The following TOP1 variants were observed in gnomAD, a reference collection of about 807,000 sequenced individuals.
TOP1 encodes DNA topoisomerase I.
TOP1 carries 10 observed loss-of-function variants against 111.1 expected under a neutral mutation model. That is an observed-to-expected ratio of 0.09 (90% CI 0.06 to 0.15). The LOEUF is 0.15. Ranked by LOEUF, TOP1 falls within the 10% of genes least tolerant of loss-of-function variation. The pLI is 1.00. For synonymous variants in TOP1, 271 were observed against 302.9 expected (o/e 0.89, Z 1.10); for missense variants, 474 against 926.7 (o/e 0.51, Z 6.34).
intron 2 of TOP1, among the ~76,000 whole-genome samples, chr20:41,059,841 T>G (rs533943049): frequency 3.6e-4 from 55 of 152,278 alleles, no homozygotes; most frequent in Non-Finnish European, 7.1e-4. Context: ...CTCTTACAAC[T>G]AGGTAGTAAG....
At chr20:41,088,498 G>A (rs1389489150) in intron 8 of TOP1, among the ~76,000 whole-genome samples, 2 of 152,122 alleles carry the variant, frequency 1.3e-5, no homozygotes, top group African/African-American at 4.8e-5. Context: ...GCGAGACTCT[G>A]TCTCAAAAAA....
rs2034217905 is a variant in TOP1 at position 41,110,472 on chromosome 20, C to T, written c.1309-2310C>T. Among the ~76,000 whole-genome samples the T allele has an allele frequency of 6.6e-6, 1 of 152,096 alleles. No individual in the cohort carries two copies. Among genetic ancestry groups the T allele is most frequent in the Admixed American group, 6.6e-5 (1 of 15,266 alleles). On this transcript the variant is annotated intron_variant, in intron 13 of 20. Transcript: ENST00000361337. This position sits in a 1 kb window ranked among gnomAD's most constrained non-coding sequence, Gnocchi z 4.2. Reference sequence around the variant, plus strand: ...AGAATACTGGCAAATGTCCTCTTCCCCATTACAAACGTCTGAGAAAGTTAC... The same window carrying T: ...AGAATACTGGCAAATGTCCTCTTCCTCATTACAAACGTCTGAGAAAGTTAC...
At chr20:41,090,296 C>A (rs570475406) in intron 8 of TOP1, among the ~76,000 whole-genome samples, 20 of 151,916 alleles carry the variant, frequency 1.3e-4, no homozygotes, top group Non-Finnish European at 2.8e-4. Flanking sequence ...TTAATTTTAT[C>A]TTTTTTTTCC....
chr20:41,089,495 G>C (rs2033892487), intron 8 of TOP1, among the ~76,000 whole-genome samples: 1 of 152,154 alleles, frequency 6.6e-6, no homozygotes, highest in Non-Finnish European at 1.5e-5. Context: ...AGAATTTTCT[G>C]ACTTTTAAAG....
chr20:41,041,309 G>A (rs1011569707), intron 2 of TOP1, among the ~76,000 whole-genome samples: 1 of 151,968 alleles, frequency 6.6e-6, no homozygotes, highest in Non-Finnish European at 1.5e-5. Context: ...AATTAGCCAA[G>A]CATGGTGGTG....
At chr20:41,096,283 A>T (rs2033981574) in intron 9 of TOP1, among the ~76,000 whole-genome samples, 1 of 152,126 alleles carries the variant, frequency 6.6e-6, no homozygotes, top group Non-Finnish European at 1.5e-5. Flanking sequence ...GGCCAGGCTG[A>T]TCTGGAACTC....
In TOP1 at chr20:41,034,522, T is replaced by C. The variant is rs2033160809; in HGVS notation, c.58+5067T>C. On this transcript the variant is annotated intron_variant, in intron 2 of 20. Transcript: ENST00000361337. This position sits in a 1 kb window ranked among gnomAD's most constrained non-coding sequence, Gnocchi z 4.0. ...GTAAATGAGGGCAGGGTGGACAAAG[T>C]TTGATTGGGGGTTGCGGGGAAGCTT... 6.6e-6 allele frequency among the ~76,000 whole-genome samples: 1 copy of C among 152,028 alleles called. No individual in the cohort carries two copies. The highest frequency in any genetic ancestry group is 2.1e-4 in the South Asian group (1 of 4,812).
chr20:41,062,271 G>C (rs548261593), intron 3 of TOP1, among the ~76,000 whole-genome samples: 58 of 152,294 alleles, frequency 3.8e-4, no homozygotes, highest in Non-Finnish European at 7.2e-4. Flanking sequence ...TCACACATTA[G>C]AACAAGTGTC....
chr20:41,042,114 T>A (rs1414677106), intron 2 of TOP1, among the ~76,000 whole-genome samples: 1 of 152,194 alleles, frequency 6.6e-6, no homozygotes, highest in Admixed American at 6.5e-5. Context: ...TTTGCCATGT[T>A]GGCCACGATG....
rs2034260053 is a variant in TOP1, at chr20:41,112,590, A to G, written c.1309-192A>G. On this transcript the variant is annotated intron_variant, in intron 13 of 20. Coordinates refer to ENST00000361337, the MANE Select transcript of TOP1 (RefSeq NM_003286.4). This position sits in a 1 kb window ranked among gnomAD's most constrained non-coding sequence, Gnocchi z 5.8. ...TGTTCAAAGTCTTGCTTTGTCACCCATGGTGGAGTGCAGTGGCGTGATCTT... is the reference window on the plus strand; with the variant it reads ...TGTTCAAAGTCTTGCTTTGTCACCCGTGGTGGAGTGCAGTGGCGTGATCTT... 6.6e-6 allele frequency among the ~76,000 whole-genome samples: 1 copy of G among 152,204 alleles called. No homozygotes were observed. Among genetic ancestry groups the G allele is most frequent in the African/African-American group, 2.4e-5 (1 of 41,452 alleles).
At position 41,030,179 on chromosome 20, in the gene TOP1, T is replaced by C. The variant is rs79866880; in HGVS notation, c.58+724T>C. On this transcript the variant is annotated intron_variant, in intron 2 of 20. Transcript: ENST00000361337. This position sits in a 1 kb window ranked among gnomAD's most constrained non-coding sequence, Gnocchi z 4.1. ...CTCCCTAAAGAAAGTTTGCAAGTTC[T>C]CTGTGGGTCACCCAATGTAAATGTT... Among the ~76,000 whole-genome samples the C allele has an allele frequency of 0.026, 4,033 of 152,328 alleles. 66 individuals are homozygous for C. The highest frequency in any genetic ancestry group is 0.048 in the Middle Eastern group (14 of 294).
At chr20:41,066,557 C>CTTTTTTT (rs776922601) in intron 3 of TOP1, among the ~76,000 whole-genome samples, 15 of 129,388 alleles carry the variant, frequency 1.2e-4, no homozygotes, top group East Asian at 2.3e-4. Flanking sequence ...CTTTTCTTTT[C>CTTTTTTT]TTTTTTTTTT....
Position 41,086,262 on chromosome 20 carries a change from C to CA in TOP1, c.614+1708dup, listed in dbSNP as rs561307231. Among the ~76,000 whole-genome samples, 619 of 93,358 alleles carry CA rather than the reference C, an allele frequency of 6.6e-3. 1 individual carries two copies. Among genetic ancestry groups the CA allele is most frequent in the Middle Eastern group, 0.015 (2 of 130 alleles). The allele number at this position is 93,358 out of a possible 152,430, so 61.2% of individuals were successfully genotyped here. On this transcript the variant is annotated intron_variant, in intron 8 of 20. Transcript: ENST00000361337. ...TGGGCGACAGAGCGAGACTCTGTCT[C>CA]AAAAAAAAAAAAAAGAAAAAAAACC...
At chr20:41,117,948 A>C (rs1488102804) in intron 17 of TOP1, among the ~76,000 whole-genome samples, 1 of 152,174 alleles carries the variant, frequency 6.6e-6, no homozygotes, top group Non-Finnish European at 1.5e-5. Flanking sequence ...TGTGATAGGA[A>C]TTTACCCAGG....
At chr20:41,043,476 T>C (rs2033293096) in intron 2 of TOP1, among the ~76,000 whole-genome samples, 1 of 152,232 alleles carries the variant, frequency 6.6e-6, no homozygotes, top group Admixed American at 6.5e-5. Flanking sequence ...TTCTACTGAA[T>C]ATATGCCACT....
intron 3 of TOP1, among the ~76,000 whole-genome samples, chr20:41,073,717 A>G (rs1424794040): frequency 6.6e-6 from 1 of 152,226 alleles, no homozygotes; most frequent in Non-Finnish European, 1.5e-5. Flanking sequence ...TTGTATCAGC[A>G]TGAGGGGATA....
rs900852923 is a variant in TOP1 at position 41,078,621 on chromosome 20, C to A, written c.335+984C>A. 6.6e-6 allele frequency among the ~76,000 whole-genome samples: 1 copy of A among 152,202 alleles called. No homozygotes were observed. The stretch of plus-strand genomic sequence containing the variant: ...CAAGCTGCCCTAGGAATTTTGATTT[C>A]TGAGATAAAGTGACTGAGGAGGCAC... On this transcript the variant is annotated intron_variant, in intron 5 of 20. Coordinates refer to ENST00000361337, the MANE Select transcript of TOP1 (RefSeq NM_003286.4). The surrounding 1 kb of genome is among the most constrained non-coding windows in gnomAD (Gnocchi z 5.3).
chr20:41,055,271 T>G (rs1184203303), intron 2 of TOP1, among the ~76,000 whole-genome samples: 1 of 152,252 alleles, frequency 6.6e-6, no homozygotes, highest in Non-Finnish European at 1.5e-5. Context: ...GTCAGTTAAA[T>G]TCAACACATT....
At chr20:41,068,511 C>T (rs2033633754) in intron 3 of TOP1, among the ~76,000 whole-genome samples, 1 of 152,086 alleles carries the variant, frequency 6.6e-6, no homozygotes, top group African/African-American at 2.4e-5. Flanking sequence ...AGGGGTCCTC[C>T]CACCTCAGCC....
Sources: allele counts gnomAD v4.1 joint callset (sites outside exome capture counted in the v4.1 genomes callset), GRCh38; gene constraint gnomAD v4.1.1; non-coding constraint Gnocchi (gnomAD v3.1); transcripts MANE v1.5; gene names NCBI Gene and HGNC (gene_info 2026-07-23, HGNC 2026-07-21).